KIAA0930: variants seen among roughly 807,000 people sequenced by gnomAD.
KIAA0930 encodes uncharacterized protein KIAA0930.
A neutral mutation model predicts 43.9 loss-of-function variants in KIAA0930; 24 were observed. The observed-to-expected ratio is 0.55, with a 90% CI of 0.40 to 0.77. KIAA0930 has a LOEUF of 0.77. Ranked by LOEUF, KIAA0930 falls within the 30% of genes least tolerant of loss-of-function variation. The pLI is 0.00. For missense variants in KIAA0930, 461 were observed against 574.2 expected, an observed-to-expected ratio of 0.80 and a Z score of 2.02; for synonymous variants, 259 against 216.4, an observed-to-expected ratio of 1.20 and a Z score of -1.73.
chr22:45,210,920 T>C (rs1276462437), intron 2 of KIAA0930, among the ~76,000 whole-genome samples: 5 of 150,208 alleles, frequency 3.3e-5, no homozygotes, highest in African/African-American at 1.2e-4. Flanking sequence ...TGCACCCACG[T>C]CTCCAGACCT....
intron 1 of KIAA0930, among the ~76,000 whole-genome samples, chr22:45,215,793 T>C (rs1289971551): frequency 6.6e-6 from 1 of 151,594 alleles, no homozygotes; most frequent in African/African-American, 2.4e-5. Context: ...GAACACAGCA[T>C]TTTTTTTTAC....
chr22:45,201,004 T>TCTCCTCC (rs753665756), intron 7 of KIAA0930: 2 of 532,794 alleles, frequency 3.8e-6, no homozygotes, highest in Middle Eastern at 3.3e-4. Flanking sequence ...ACTTGGCCCA[T>TCTCCTCC]CTCCTCCCTC....
chr22:45,215,367 T>C (rs2083725173), intron 1 of KIAA0930, among the ~76,000 whole-genome samples: 2 of 152,360 alleles, frequency 1.3e-5, no homozygotes, highest in African/African-American at 4.8e-5. Context: ...CTCTCCGATA[T>C]GCTAGAGAAC....
intron 1 of KIAA0930, among the ~76,000 whole-genome samples, chr22:45,219,480 G>A (rs1020472208): frequency 6.7e-6 from 1 of 148,232 alleles, no homozygotes; most frequent in African/African-American, 2.5e-5. Flanking sequence ...GATTAAAATA[G>A]TTTATAGCCA....
chr22:45,215,964 C>G (rs989812497), intron 1 of KIAA0930, among the ~76,000 whole-genome samples: 2 of 151,698 alleles, frequency 1.3e-5, no homozygotes, highest in Admixed American at 1.3e-4. Flanking sequence ...GGAGGCGGAG[C>G]CTGCAGTGAG....
intron 1 of KIAA0930, among the ~76,000 whole-genome samples, chr22:45,231,631 T>G (rs992984384): frequency 8.9e-4 from 136 of 152,156 alleles, no homozygotes; most frequent in African/African-American, 2.7e-3. Context: ...CCTCCACAAA[T>G]GACACAATGG....
At chr22:45,205,770 G>GGGGGGCCCCC in intron 3 of KIAA0930, 23 bp downstream of exon 3, 4 of 1,523,776 alleles carry the variant, frequency 2.6e-6, no homozygotes, top group Non-Finnish European at 3.6e-6. Context: ...CCAATCCGCA[G>GGGGGGCCCCC]CCCCACCCAT....
chr22:45,212,916 C>T (rs1250511073), intron 1 of KIAA0930, among the ~76,000 whole-genome samples: 2 of 152,222 alleles, frequency 1.3e-5, no homozygotes, highest in Admixed American at 6.5e-5. Flanking sequence ...ATAGGTGGGT[C>T]TGTCCCCTCT....
chr22:45,210,181 C>T (rs1166041942), intron 2 of KIAA0930, among the ~76,000 whole-genome samples: 2 of 152,224 alleles, frequency 1.3e-5, no homozygotes, highest in African/African-American at 4.8e-5. Flanking sequence ...ACAGACTCTG[C>T]CTTGGGGAAA....
intron 1 of KIAA0930, 55 bp downstream of exon 1, chr22:45,240,585 G>T (rs1263882985): frequency 1.6e-6 from 2 of 1,248,774 alleles, no homozygotes; most frequent in Non-Finnish European, 2.2e-6. Context: ...GCGCAGAGGC[G>T]GCCCCGGAGA....
intron 1 of KIAA0930, among the ~76,000 whole-genome samples, chr22:45,214,957 C>T (rs182951853): frequency 7.3e-4 from 110 of 151,696 alleles, no homozygotes; most frequent in African/African-American, 2.6e-3. Context: ...GTGGCTCACA[C>T]CTGTAATTCC....
chr22:45,213,641 C>T, intron 1 of KIAA0930: 2 of 368,896 alleles, frequency 5.4e-6, no homozygotes, highest in Middle Eastern at 1.1e-3. Context: ...TTCTTTTTTA[C>T]TTCCTCTTTA....
At chr22:45,213,716 A>T (rs2083714050) in intron 1 of KIAA0930, among the ~76,000 whole-genome samples, 1 of 152,258 alleles carries the variant, frequency 6.6e-6, no homozygotes, top group Non-Finnish European at 1.5e-5. Context: ...TGGTCTTTAA[A>T]AACCAGCCCT....
chr22:45,208,369 T>G (rs13056854), intron 2 of KIAA0930, among the ~76,000 whole-genome samples: 1 of 98,288 alleles, frequency 1.0e-5, no homozygotes, highest in African/African-American at 3.4e-5. Flanking sequence ...CGACTCCACA[T>G]GCACGAGCTG....
chr22:45,239,367 C>T (rs1419089248), intron 1 of KIAA0930, among the ~76,000 whole-genome samples: 2 of 152,228 alleles, frequency 1.3e-5, no homozygotes, highest in East Asian at 1.9e-4. Context: ...TAAATCTTGA[C>T]ACCTTTTCAG....
chr22:45,234,277 A>G (rs1427900633), intron 1 of KIAA0930, among the ~76,000 whole-genome samples: 1 of 151,756 alleles, frequency 6.6e-6, no homozygotes, highest in East Asian at 2.0e-4. Flanking sequence ...CCCAGGCCTC[A>G]TGGTCCTCCG....
At chr22:45,225,031 G>A (rs1189083460) in intron 1 of KIAA0930, among the ~76,000 whole-genome samples, 22 of 152,218 alleles carry the variant, frequency 1.4e-4, no homozygotes, top group Admixed American at 1.0e-3. Flanking sequence ...AGAGAACACC[G>A]GGCTCAGCAA....
intron 1 of KIAA0930, among the ~76,000 whole-genome samples, chr22:45,214,273 A>G (rs1338232599): frequency 6.6e-6 from 1 of 152,214 alleles, no homozygotes; most frequent in Non-Finnish European, 1.5e-5. Flanking sequence ...AGCCACTCCT[A>G]GGTACCTGCC....
chr22:45,229,580 TCCA>T (rs1317173462), intron 1 of KIAA0930, among the ~76,000 whole-genome samples: 1 of 152,012 alleles, frequency 6.6e-6, no homozygotes, highest in African/African-American at 2.4e-5. Flanking sequence ...AGTGGCTGAT[TCCA>T]CCAACGGGTC....
Sources: allele counts gnomAD v4.1 joint callset (sites outside exome capture counted in the v4.1 genomes callset), GRCh38; gene constraint gnomAD v4.1.1; transcripts MANE v1.5; gene names NCBI Gene and HGNC (gene_info 2026-07-23, HGNC 2026-07-21).